Variants in MED13 observed in about 807,000 individuals in gnomAD.
The protein encoded by MED13 is mediator of RNA polymerase II transcription subunit 13.
Under a neutral mutation model 225.2 loss-of-function variants are expected in MED13, and 23 were observed. That is an observed-to-expected ratio of 0.10 (90% confidence interval 0.07 to 0.14). The LOEUF (loss-of-function observed/expected upper bound fraction) is 0.14, where lower values mean the gene tolerates loss of function less well. Among genes scored for constraint, MED13 ranks in the 10% least tolerant of loss-of-function variants. The pLI is 1.00. For synonymous variants in MED13, 942 were observed against 889.2 expected, an observed-to-expected ratio of 1.06 and a Z score of -1.06; for missense variants, 2,197 against 2,594.5, an observed-to-expected ratio of 0.85 and a Z score of 3.33.
At chr17:61,992,380 C>T (rs1044125828) in intron 11 of MED13, among the ~76,000 whole-genome samples, 160 bp downstream of exon 11, 2 of 152,138 alleles carry the variant, frequency 1.3e-5, no homozygotes, top group Non-Finnish European at 2.9e-5. Flanking sequence ...TTGCTTCTTC[C>T]AATAAAAGAT....
intron 16 of MED13, among the ~76,000 whole-genome samples, chr17:61,977,027 G>C (rs917712714): frequency 6.6e-6 from 1 of 152,168 alleles, no homozygotes; most frequent in African/African-American, 2.4e-5. Flanking sequence ...CTTCTTTCAA[G>C]ATGTTAAAAC....
intron 8 of MED13, among the ~76,000 whole-genome samples, chr17:62,024,237 T>C (rs1429675111): frequency 6.6e-6 from 1 of 152,146 alleles, no homozygotes; most frequent in Non-Finnish European, 1.5e-5. Flanking sequence ...AGGCTGGTCT[T>C]GAACTCCTGA....
At chr17:61,991,852 G>A (rs1052876908) in intron 11 of MED13, among the ~76,000 whole-genome samples, 1 of 152,046 alleles carries the variant, frequency 6.6e-6, no homozygotes, top group Non-Finnish European at 1.5e-5. Context: ...CACCATGTTG[G>A]ACAGGCTGGT....
intron 16 of MED13, among the ~76,000 whole-genome samples, chr17:61,976,719 G>A (rs1441355128): frequency 6.6e-6 from 1 of 152,136 alleles, no homozygotes; most frequent in African/African-American, 2.4e-5. Flanking sequence ...TGGATCACGA[G>A]GTCAGGAGAT....
rs1038738409 is a variant in MED13, at chr17:61,965,549, C to A, written c.4382-81G>T. 3 of 1,333,620 alleles carry A rather than the reference C, an allele frequency of 2.2e-6. No individual in the cohort carries two copies. The African/African-American group carries it at 4.4e-5, about 20-fold the overall frequency. The allele number at this position is 1,333,620 out of a possible 1,614,324, so 82.6% of individuals were successfully genotyped here. A position where few individuals can be genotyped will look rare whatever the true frequency, so the allele number is the denominator to read the frequency against. On this transcript the variant is annotated intron_variant, in intron 19 of 29. Transcript: ENST00000397786. ...TTAAATTCTACTGTGTAAACAGAAT[C>A]ATAATCCAGTTGATGTTTTCTTGGT...
intron 16 of MED13, among the ~76,000 whole-genome samples, chr17:61,977,525 C>T (rs895072070): frequency 2.6e-5 from 4 of 152,234 alleles, no homozygotes; most frequent in African/African-American, 9.6e-5. Context: ...CATCTCTGCT[C>T]ACTGTAAGCT....
intron 9 of MED13, chr17:62,010,300 T>C: frequency 3.0e-6 from 1 of 336,342 alleles, no homozygotes. Context: ...TCTAACTGTA[T>C]GTAAAATCCT....
At chr17:62,043,892 G>A (rs913823764) in intron 3 of MED13, among the ~76,000 whole-genome samples, 1 of 151,784 alleles carries the variant, frequency 6.6e-6, no homozygotes, top group Non-Finnish European at 1.5e-5. Flanking sequence ...AATGTGCCTA[G>A]TAGAAAATTT....
At position 62,054,319 on chromosome 17, in the gene MED13, A is replaced by C. The variant is rs553651457; in HGVS notation, c.302-1614T>G. The stretch of plus-strand genomic sequence containing the variant: ...GTCTCCAAAAAAACAAACAAACAAA[A>C]AAAAAGGTAAGCTTAGGGAAAAAAA... On this transcript the variant is annotated intron_variant, in intron 2 of 29. Coordinates refer to ENST00000397786, the MANE Select transcript of MED13 (RefSeq NM_005121.3). 1.7e-4 allele frequency among the ~76,000 whole-genome samples: 26 copies of C among 152,278 alleles called. No homozygotes were observed. In the Middle Eastern group the frequency reaches 0.01, roughly 60 times the overall value.
In MED13 at chr17:62,011,248, T is replaced by TA. The variant is rs767423029; in HGVS notation, c.1284-16dup. 4 of 1,597,466 alleles carry TA rather than the reference T, an allele frequency of 2.5e-6. No homozygotes were observed. Among genetic ancestry groups the TA allele is most frequent in the Non-Finnish European group, 3.4e-6 (4 of 1,172,656 alleles). On this transcript the variant is annotated splice_polypyrimidine_tract_variant and intron_variant, in intron 8 of 29. Transcript: ENST00000397786. ...GATTTTTGTGCCTGAAAAGTGAAAA[T>TA]AAAGGTTTCATATTTACAGTATCAC...
chr17:61,959,466 A>G (rs963337866), intron 23 of MED13, among the ~76,000 whole-genome samples: 1 of 152,180 alleles, frequency 6.6e-6, no homozygotes, highest in African/African-American at 2.4e-5. Context: ...TCACTTAATC[A>G]GTATAAATAT....
At chr17:61,999,486 A>G (rs2080375413) in intron 9 of MED13, among the ~76,000 whole-genome samples, 1 of 152,228 alleles carries the variant, frequency 6.6e-6, no homozygotes. Context: ...ACATGCTATC[A>G]TTAACTAATA....
chr17:62,033,319 T>C (rs762711908), intron 5 of MED13, among the ~76,000 whole-genome samples: 3 of 152,112 alleles, frequency 2.0e-5, no homozygotes, highest in Non-Finnish European at 4.4e-5. Context: ...ACAACACAGG[T>C]TGTCAACTTT....
chr17:62,055,716 G>C (rs188971902), intron 2 of MED13, among the ~76,000 whole-genome samples: 4 of 151,760 alleles, frequency 2.6e-5, no homozygotes, highest in Admixed American at 2.6e-4. Context: ...CCAGCTATCC[G>C]GGAGGCTGAG....
intron 19 of MED13, 105 bp from the exon 20 acceptor site, chr17:61,965,573 G>C: frequency 8.5e-7 from 1 of 1,183,044 alleles, no homozygotes; most frequent in Non-Finnish European, 1.2e-6. Flanking sequence ...TGTTTTCTTG[G>C]TAATTATAGC....
intron 15 of MED13, among the ~76,000 whole-genome samples, chr17:61,983,748 T>C (rs2080224811): frequency 6.9e-6 from 1 of 145,580 alleles, no homozygotes. Context: ...TTTTTTTTTT[T>C]GAGACAAAGT....
chr17:62,008,589 T>C (rs989106687), intron 9 of MED13, among the ~76,000 whole-genome samples: 1 of 152,002 alleles, frequency 6.6e-6, no homozygotes, highest in African/African-American at 2.4e-5. Flanking sequence ...GAAACCAACA[T>C]GTAGCCAAAT....
At chr17:62,015,756 T>A (rs1013390724) in intron 8 of MED13, among the ~76,000 whole-genome samples, 3 of 139,548 alleles carry the variant, frequency 2.1e-5, no homozygotes, top group African/African-American at 7.9e-5. Flanking sequence ...TATATATATA[T>A]AATATAGATA....
intron 24 of MED13, 126 bp from the exon 25 acceptor site, chr17:61,955,964 T>C (rs1339927294): frequency 1.5e-6 from 2 of 1,339,982 alleles, no homozygotes; most frequent in African/African-American, 3.0e-5. Flanking sequence ...TAAATTAGTG[T>C]ATTCCTCCAA....
Sources: gnomAD v4.1 joint callset for allele counts (sites outside exome capture counted in the v4.1 genomes callset) on GRCh38, gnomAD v4.1.1 for gene constraint, MANE v1.5 for transcripts, NCBI Gene and HGNC (gene_info 2026-07-23, HGNC 2026-07-21) for gene names.